PLEKHD1: variants seen among roughly 807,000 people sequenced by gnomAD.
The protein encoded by PLEKHD1 is pleckstrin homology and coiled-coil domain containing D1.
A neutral mutation model predicts 69.2 loss-of-function variants in PLEKHD1; 51 were observed. The ratio of observed to expected loss-of-function variants is 0.74; its 90% CI spans 0.59 to 0.93. The LOEUF (loss-of-function observed/expected upper bound fraction) is 0.93. PLEKHD1 is among the 40% of genes least tolerant of loss of function. The pLI is 0.00. For synonymous variants in PLEKHD1, 236 were observed against 244.7 expected (o/e 0.96, Z 0.33); for missense variants, 584 against 641.0 (o/e 0.91, Z 0.96).
At chr14:69,517,914 T>C (rs547064764) in intron 6 of PLEKHD1, among the ~76,000 whole-genome samples, 1 of 152,348 alleles carries the variant, frequency 6.6e-6, no homozygotes, top group South Asian at 2.1e-4. Flanking sequence ...TCATGTATCT[T>C]GGTTTGTAAT....
upstream of PLEKHD1, among the ~76,000 whole-genome samples, chr14:69,480,281 G>A (rs2139484144): frequency 6.6e-6 from 1 of 152,358 alleles, no homozygotes; most frequent in East Asian, 1.9e-4. Flanking sequence ...GGCCTGGCCT[G>A]GAGCTCAGGT....
At chr14:69,469,601 G>A in the PLEKHD1 span, among the ~76,000 whole-genome samples, 1 of 150,796 alleles carries the variant, frequency 6.6e-6, no homozygotes, top group South Asian at 2.1e-4. Flanking sequence ...TGTGTAGATG[G>A]GGGTCTCACT....
At chr14:69,501,946 G>C (rs1594980128) in intron 5 of PLEKHD1, 121 bp downstream of exon 5, 1 of 900,718 alleles carries the variant, frequency 1.1e-6, no homozygotes, top group East Asian at 2.8e-5. Flanking sequence ...TGAGGGAACA[G>C]AGACCAGTTT....
intron 8 of PLEKHD1, among the ~76,000 whole-genome samples, chr14:69,525,175 CT>C (rs1219461873): frequency 5.3e-5 from 8 of 152,128 alleles, no homozygotes; most frequent in Non-Finnish European, 1.2e-4. Flanking sequence ...GTTTTCCAAA[CT>C]ATGAATTTCA....
chr14:69,495,155 T>A (rs1036667137), intron 1 of PLEKHD1, among the ~76,000 whole-genome samples: 13 of 152,222 alleles, frequency 8.5e-5, no homozygotes, highest in Admixed American at 7.2e-4. Flanking sequence ...CCCCTCTTTA[T>A]GCTGTCCTTC....
At chr14:69,509,039 A>G (rs572209272) in intron 6 of PLEKHD1, among the ~76,000 whole-genome samples, 3 of 152,252 alleles carry the variant, frequency 2.0e-5, no homozygotes, top group Admixed American at 6.5e-5. Flanking sequence ...TCGGCTCCCA[A>G]CATTTTATGG....
intron 5 of PLEKHD1, 57 bp downstream of exon 5, chr14:69,501,882 G>C: frequency 7.0e-7 from 1 of 1,424,048 alleles, no homozygotes; most frequent in Non-Finnish European, 9.6e-7. Flanking sequence ...AGGGGCTATA[G>C]CCAGGGGCTT....
chr14:69,473,584 G>A, the PLEKHD1 span, among the ~76,000 whole-genome samples: 15 of 152,164 alleles, frequency 9.9e-5, no homozygotes, highest in African/African-American at 1.7e-4. Flanking sequence ...CAGAAAACCC[G>A]GATCCTATTA....
intron 11 of PLEKHD1, 85 bp from the exon 12 acceptor site, chr14:69,527,698 C>A: frequency 6.8e-7 from 1 of 1,473,394 alleles, no homozygotes; most frequent in Non-Finnish European, 9.2e-7. Context: ...CCCACTCAAT[C>A]TCACCAGGAT....
At chr14:69,502,736 A>AC in intron 5 of PLEKHD1, 91 bp from the exon 6 acceptor site, 1 of 1,499,188 alleles carries the variant, frequency 6.7e-7, no homozygotes, top group East Asian at 2.5e-5. Context: ...GCTGGGGGTG[A>AC]CAGCGACCAC....
At chr14:69,517,571 C>T (rs982845303) in intron 6 of PLEKHD1, among the ~76,000 whole-genome samples, 2 of 152,024 alleles carry the variant, frequency 1.3e-5, no homozygotes, top group Admixed American at 1.3e-4. Flanking sequence ...CATGGTAGGG[C>T]TGTTGGGAGG....
chr14:69,478,262 A>G, the PLEKHD1 span, among the ~76,000 whole-genome samples: 1 of 152,166 alleles, frequency 6.6e-6, no homozygotes, highest in Admixed American at 6.5e-5. Context: ...TAGGCTGCAC[A>G]CAGGAGACCC....
At chr14:69,480,899 C>G (rs1882529514), upstream of PLEKHD1, among the ~76,000 whole-genome samples, 1 of 152,198 alleles carries the variant, frequency 6.6e-6, no homozygotes, top group Non-Finnish European at 1.5e-5. Context: ...GTGATCCACC[C>G]ATCTCGGCCT....
At chr14:69,475,144 A>T in the PLEKHD1 span, among the ~76,000 whole-genome samples, 3 of 152,226 alleles carry the variant, frequency 2.0e-5, no homozygotes, top group African/African-American at 7.2e-5. Flanking sequence ...TGAACTGCTA[A>T]TTCTGTTCTA....
intron 1 of PLEKHD1, among the ~76,000 whole-genome samples, chr14:69,488,534 A>C (rs60382595): frequency 0.16 from 24,075 of 152,028 alleles, 2,181 homozygotes; most frequent in African/African-American, 0.24. Context: ...AGGGTGCCTG[A>C]AGGACCCCCT....
chr14:69,525,834 G>T, intron 8 of PLEKHD1, 110 bp from the exon 9 acceptor site: 1 of 1,033,860 alleles, frequency 9.7e-7, no homozygotes, highest in South Asian at 1.7e-5. Flanking sequence ...AGCGGCCATA[G>T]AGGACTGAGA....
upstream of PLEKHD1, among the ~76,000 whole-genome samples, chr14:69,483,656 G>A (rs1043244280): frequency 3.3e-5 from 5 of 152,242 alleles, no homozygotes; most frequent in African/African-American, 1.2e-4. Context: ...ATAAAGCAAT[G>A]TGGATCTGGC....
Position 69,502,866 on chromosome 14 carries a change from G to A in PLEKHD1, c.542G>A (p.Arg181Lys). Residue 181 changes from arginine to lysine, a missense_variant, in exon 6 of 13, where the codon AGG (arginine) becomes AAG (lysine). By Grantham distance (26) the Arg-to-Lys change is conservative. Transcript: ENST00000322564. ...GAGACCGAAGAACTCTGCCTTCAGA[G>A]GGAGCAGAGAGAGGTAGGTGCACAC... is the stretch of plus-strand genomic sequence containing the variant. ...MEETEELCLQ[R>K]EQREELERLN... is the part of the protein sequence containing the mutation. 6.4e-7 allele frequency: 1 copy of A among 1,551,710 alleles called. No homozygotes were observed. The highest frequency in any genetic ancestry group is 8.7e-7 in the Non-Finnish European group (1 of 1,146,974).
intron 6 of PLEKHD1, among the ~76,000 whole-genome samples, chr14:69,506,129 T>G (rs1883147167): frequency 6.6e-6 from 1 of 152,248 alleles, no homozygotes; most frequent in Non-Finnish European, 1.5e-5. Context: ...ACCTTTTTGG[T>G]GGACATTGTT....
Sources: gnomAD v4.1 joint callset for allele counts (sites outside exome capture counted in the v4.1 genomes callset) on GRCh38, gnomAD v4.1.1 for gene constraint, MANE v1.5 for transcripts, NCBI Gene and HGNC (gene_info 2026-07-23, HGNC 2026-07-21) for gene names.